Variants in MMEL1 observed in about 807,000 individuals in gnomAD.
MMEL1 encodes membrane metallo-endopeptidase-like 1.
Under a neutral mutation model 117.1 loss-of-function variants are expected in MMEL1, and 98 were observed. The observed-to-expected ratio is 0.84, with a 90% CI of 0.71 to 0.99. The LOEUF is 0.99. MMEL1 is among the 50% of genes least tolerant of loss of function. MMEL1 has a pLI of 0.00. For synonymous variants in MMEL1, 390 were observed against 415.1 expected (o/e 0.94, Z 0.74); for missense variants, 1,014 against 1,049.1 (o/e 0.97, Z 0.46).
chr1:2,598,559 T>C, intron 12 of MMEL1, 95 bp downstream of exon 12: 1 of 1,565,854 alleles, frequency 6.4e-7, no homozygotes, highest in Non-Finnish European at 8.7e-7. Context: ...AGATGCTTCA[T>C]AGGGTCCCCT....
intron 19 of MMEL1, among the ~76,000 whole-genome samples, chr1:2,593,561 C>T (rs1644779512): frequency 6.6e-6 from 1 of 152,204 alleles, no homozygotes; most frequent in African/African-American, 2.4e-5. Context: ...AGGGAAGTGC[C>T]CAGTGCCAGG....
chr1:2,591,846 C>T (rs992943084), intron 22 of MMEL1, 86 bp downstream of exon 22: 10 of 1,376,592 alleles, frequency 7.3e-6, no homozygotes, highest in Non-Finnish European at 1.0e-5. Context: ...ATGCTGGGCT[C>T]TGGTCCCTGG....
At chr1:2,630,927 TTGTG>T (rs1294098489) in intron 1 of MMEL1, among the ~76,000 whole-genome samples, 5 of 150,112 alleles carry the variant, frequency 3.3e-5, no homozygotes, top group Non-Finnish European at 7.4e-5. Context: ...ATGTGCATGA[TTGTG>T]TGCGTGGATA....
At chr1:2,598,523 C>T (rs1644882450) in intron 12 of MMEL1, 131 bp downstream of exon 12, 1 of 1,439,074 alleles carries the variant, frequency 6.9e-7, no homozygotes, top group Non-Finnish European at 9.4e-7. Flanking sequence ...AAAGCTTAAC[C>T]CCTCATGTCC....
Position 2,591,638 on chromosome 1 carries a change from G to C in MMEL1, c.2164-5C>G. The C allele has an allele frequency of 6.2e-7, 1 of 1,613,084 alleles. No homozygotes were observed. The highest frequency in any genetic ancestry group is 8.5e-7 in the Non-Finnish European group (1 of 1,179,584). ...CCGGTAGGACCCGCACCACACCTGT[G>C]GGCATGTTGGGGGCGTGGCTACAGG... On this transcript the variant is annotated splice_polypyrimidine_tract_variant and splice_region_variant and intron_variant, in intron 22 of 23. Transcript: ENST00000378412.
In MMEL1 at chr1:2,621,711, C is replaced by T. The variant is rs146130576; in HGVS notation, c.154+7620G>A. Among the ~76,000 whole-genome samples the T allele has an allele frequency of 1.2e-3, 182 of 152,232 alleles. 1 individual carries two copies. The highest frequency in any genetic ancestry group is 3.8e-3 in the African/African-American group (158 of 41,550). On this transcript the variant is annotated intron_variant, in intron 2 of 23. Transcript: ENST00000378412. ...CCCGAGTAGCTGGGATTACAGGCAT[C>T]CGCCATCACGCCTGGCTAATTTTGT...
intron 17 of MMEL1, 140 bp from the exon 18 acceptor site, chr1:2,594,583 T>A (rs1644800852): frequency 5.2e-6 from 6 of 1,150,186 alleles, no homozygotes; most frequent in Non-Finnish European, 7.6e-6. Context: ...GGTTCCTTCC[T>A]GGGGTCCCTG....
intron 2 of MMEL1, among the ~76,000 whole-genome samples, chr1:2,615,164 C>G (rs1020619200): frequency 6.6e-6 from 1 of 152,140 alleles, no homozygotes; most frequent in African/African-American, 2.4e-5. Flanking sequence ...GCATAACTCC[C>G]CACTCCTCAG....
At chr1:2,620,704 G>C (rs1645276499) in intron 2 of MMEL1, among the ~76,000 whole-genome samples, 1 of 151,614 alleles carries the variant, frequency 6.6e-6, no homozygotes, top group African/African-American at 2.4e-5. Flanking sequence ...ACCACATGAG[G>C]ACACAGCAAG....
At chr1:2,608,407 T>A (rs1259528588) in intron 6 of MMEL1, among the ~76,000 whole-genome samples, 2 of 152,046 alleles carry the variant, frequency 1.3e-5, no homozygotes, top group African/African-American at 2.4e-5. Flanking sequence ...GAAACATGGA[T>A]AATCTGCCCC....
chr1:2,622,191 G>A (rs1382003767), intron 2 of MMEL1, among the ~76,000 whole-genome samples: 2 of 152,178 alleles, frequency 1.3e-5, no homozygotes, highest in Non-Finnish European at 2.9e-5. Context: ...CCAATGTCTG[G>A]ATTTGTAACA....
At chr1:2,630,719 GTGAT>G (rs1489123383) in intron 1 of MMEL1, among the ~76,000 whole-genome samples, 5 of 151,354 alleles carry the variant, frequency 3.3e-5, no homozygotes, top group East Asian at 3.9e-4. Context: ...GTGTGACTGT[GTGAT>G]TGTGCACGTG....
In MMEL1 at chr1:2,590,794, G is replaced by A. The variant is rs1266260959; in HGVS notation, c.*196C>T. 9.4e-6 allele frequency: 4 copies of A among 424,684 alleles called. No homozygotes were observed. The highest frequency in any genetic ancestry group is 1.7e-5 in the Non-Finnish European group (4 of 241,710). The allele number at this position is 424,684 out of a possible 1,614,324, so 26.3% of individuals were successfully genotyped here. ...GTCTGTGGAGGGGGCTCCGGTCCAG[G>A]TACTGCACTGGACACTGCTCATCCC... On this transcript the variant is annotated 3_prime_UTR_variant, in exon 24 of 24. Coordinates refer to ENST00000378412, the MANE Select transcript of MMEL1 (RefSeq NM_033467.4).
chr1:2,591,471 T>G, intron 23 of MMEL1, 86 bp downstream of exon 23: 29 of 1,105,122 alleles, frequency 2.6e-5, no homozygotes, highest in Non-Finnish European at 3.7e-5. Context: ...TTGAGCCACT[T>G]TTTGTGCTTT....
intron 14 of MMEL1, among the ~76,000 whole-genome samples, 199 bp from the exon 15 acceptor site, chr1:2,596,306 G>A (rs951765449): frequency 6.6e-6 from 1 of 152,160 alleles, no homozygotes; most frequent in African/African-American, 2.4e-5. Flanking sequence ...CTGCTGGGCT[G>A]TGGGTCCTCG....
rs1339145040 is a variant in MMEL1 at position 2,629,534 on chromosome 1, G to A, written c.-37-13C>T. 24 of 1,419,186 alleles carry A rather than the reference G, an allele frequency of 1.7e-5. No individual in the cohort carries two copies. The highest frequency in any genetic ancestry group is 2.2e-5 in the Non-Finnish European group (24 of 1,085,862). The allele number at this position is 1,419,186 out of a possible 1,614,324, so 87.9% of individuals were successfully genotyped here. On this transcript the variant is annotated splice_polypyrimidine_tract_variant and intron_variant, in intron 1 of 23. Coordinates refer to ENST00000378412, the MANE Select transcript of MMEL1 (RefSeq NM_033467.4). ...ACCGCGGAGGAACCTGCAGGCCCAG[G>A]GCAGGGGAGAGGGGAGAGGGGCGTG...
chr1:2,608,789 C>T (rs111203474), intron 6 of MMEL1, among the ~76,000 whole-genome samples: 31 of 152,164 alleles, frequency 2.0e-4, no homozygotes, highest in Admixed American at 4.6e-4. Context: ...ATGTACACAC[C>T]GCATGCATAT....
rs183211673 is a variant in MMEL1, at chr1:2,630,546, C to T, written c.-37-1025G>A. On this transcript the variant is annotated intron_variant, in intron 1 of 23. Transcript: ENST00000378412. ...TGATTGCGTGGATATGCACTGTCTACGCTCATGTGTGCATGTGTGTGACTG... is the reference window on the plus strand; with the variant it reads ...TGATTGCGTGGATATGCACTGTCTATGCTCATGTGTGCATGTGTGTGACTG... 6.5e-3 allele frequency among the ~76,000 whole-genome samples: 883 copies of T among 135,454 alleles called. 9 individuals carry two copies. Among genetic ancestry groups the T allele is most frequent in the Admixed American group, 0.02 (272 of 13,448 alleles). The allele number at this position is 135,454 out of a possible 152,430, so 88.9% of individuals were successfully genotyped here. A position where few individuals can be genotyped will look rare whatever the true frequency, so the allele number is the denominator to read the frequency against.
chr1:2,631,850 C>T (rs1236937325), intron 1 of MMEL1, among the ~76,000 whole-genome samples: 1 of 152,206 alleles, frequency 6.6e-6, no homozygotes, highest in South Asian at 2.1e-4. Context: ...CTGCCACTCG[C>T]TGCCTGTTCC....
Sources: gnomAD v4.1 joint callset for allele counts (sites outside exome capture counted in the v4.1 genomes callset) on GRCh38, gnomAD v4.1.1 for gene constraint, MANE v1.5 for transcripts, NCBI Gene and HGNC (gene_info 2026-07-23, HGNC 2026-07-21) for gene names.